SLC35F4: variants seen among roughly 807,000 people sequenced by gnomAD.
SLC35F4 encodes the protein solute carrier family 35 member F4, also known as chromosome 14 open reading frame 36.
Under a neutral mutation model 44.2 loss-of-function variants are expected in SLC35F4, and 24 were observed. That is an observed-to-expected ratio of 0.54 (90% CI 0.39 to 0.76). SLC35F4 has a LOEUF of 0.76. Among genes scored for constraint, SLC35F4 ranks in the 30% least tolerant of loss-of-function variants. SLC35F4 has a pLI of 0.00. For synonymous variants in SLC35F4, 238 were observed against 223.6 expected (o/e 1.06, Z -0.57); for missense variants, 562 against 586.1 (o/e 0.96, Z 0.42).
At chr14:57,664,921 A>G (rs1306452115) in intron 1 of SLC35F4, among the ~76,000 whole-genome samples, 1 of 152,164 alleles carries the variant, frequency 6.6e-6, no homozygotes, top group Non-Finnish European at 1.5e-5. Flanking sequence ...TAACCAAGCA[A>G]TGAGAGTAAA....
rs575368785 is a variant in SLC35F4 at position 57,826,149 on chromosome 14, C to A, written c.103+39574G>T. Among the ~76,000 whole-genome samples, 5 of 152,268 alleles carry A rather than the reference C, an allele frequency of 3.3e-5. No homozygotes were observed. The South Asian group carries it at 8.3e-4, about 25-fold the overall frequency. On this transcript the variant is annotated intron_variant, in intron 1 of 7. Coordinates refer to ENST00000556826, the MANE Select transcript of SLC35F4 (RefSeq NM_001306087.2). ...CTACAGTAACCAAAACAGCATGGTA[C>A]TGGTACAAAAACAGACAAATAGACC...
intron 1 of SLC35F4, among the ~76,000 whole-genome samples, chr14:57,750,970 G>T (rs1178554890): frequency 2.6e-5 from 4 of 152,110 alleles, no homozygotes; most frequent in Non-Finnish European, 4.4e-5. Flanking sequence ...GACATCCCTT[G>T]TCTCACCCGC....
At chr14:57,866,103 C>A, upstream of SLC35F4, 1 of 208,526 alleles carries the variant, frequency 4.8e-6, no homozygotes, top group South Asian at 1.4e-4. Context: ...AGCGCCCCCT[C>A]ACCTCCGACG....
At chr14:57,780,273 A>T (rs2077585012) in intron 1 of SLC35F4, among the ~76,000 whole-genome samples, 1 of 152,176 alleles carries the variant, frequency 6.6e-6, no homozygotes, top group South Asian at 2.1e-4. Flanking sequence ...AATCATTAGC[A>T]TTCCTATACA....
intron 1 of SLC35F4, among the ~76,000 whole-genome samples, chr14:57,802,477 T>G (rs2078214336): frequency 6.8e-6 from 1 of 146,532 alleles, no homozygotes; most frequent in African/African-American, 2.5e-5. Context: ...AGAGCTGAAC[T>G]CAAGGAGATA....
At chr14:57,705,970 A>G (rs1264804634) in intron 1 of SLC35F4, among the ~76,000 whole-genome samples, 1 of 152,156 alleles carries the variant, frequency 6.6e-6, no homozygotes, top group East Asian at 1.9e-4. Context: ...TGCTCCACTC[A>G]ATCCTGTGTT....
chr14:57,715,240 G>A (rs1489689433), intron 1 of SLC35F4, among the ~76,000 whole-genome samples: 1 of 152,110 alleles, frequency 6.6e-6, no homozygotes, highest in African/African-American at 2.4e-5. Context: ...AATGCAAGAG[G>A]AAGAAAGAGG....
rs573949862 is a variant in SLC35F4 at position 57,614,647 on chromosome 14, C to T, written c.104-20523G>A. Reference sequence around the variant, plus strand: ...GGTGTGTGTGCATGTGACCATTCTCCCTCAGGCAACTGTTTTTAATGAAGG... The same window carrying T: ...GGTGTGTGTGCATGTGACCATTCTCTCTCAGGCAACTGTTTTTAATGAAGG... On this transcript the variant is annotated intron_variant, in intron 1 of 7. Transcript: ENST00000556826. Among the ~76,000 whole-genome samples, 3 of 152,264 alleles carry T rather than the reference C, an allele frequency of 2.0e-5. No homozygotes were observed. The South Asian group carries it at 6.2e-4, about 32-fold the overall frequency.
chr14:57,648,072 G>T lies in SLC35F4; in HGVS notation c.104-53948C>A, dbSNP rs545372236. 2.0e-5 allele frequency among the ~76,000 whole-genome samples: 3 copies of T among 152,210 alleles called. No individual in the cohort carries two copies. The East Asian group carries it at 5.8e-4, about 29-fold the overall frequency. On this transcript the variant is annotated intron_variant, in intron 1 of 7. Coordinates refer to ENST00000556826, the MANE Select transcript of SLC35F4 (RefSeq NM_001306087.2). ...TTTTTAGTGTTTTCACTATTGTCTA[G>T]CTCTGATTTTACTGTGACAGTAACT...
chr14:57,863,027 A>T (rs563513745), intron 1 of SLC35F4, among the ~76,000 whole-genome samples: 11 of 126,336 alleles, frequency 8.7e-5, no homozygotes, highest in East Asian at 4.6e-4. Flanking sequence ...CATCTTTTTT[A>T]AAAAAAATGT....
At chr14:57,943,441 G>A (rs1408936239) in intron 1 of SLC35F4, among the ~76,000 whole-genome samples, 1 of 152,204 alleles carries the variant, frequency 6.6e-6, no homozygotes, top group East Asian at 1.9e-4. Flanking sequence ...TCCAAAAAGA[G>A]AGAAACTTTA....
intron 1 of SLC35F4, among the ~76,000 whole-genome samples, chr14:57,701,910 A>G (rs1029352284): frequency 6.6e-6 from 1 of 152,170 alleles, no homozygotes; most frequent in Non-Finnish European, 1.5e-5. Flanking sequence ...CTGTGAAAAT[A>G]GAAATTGTGG....
At chr14:57,656,914 G>A (rs994737474) in intron 1 of SLC35F4, among the ~76,000 whole-genome samples, 2 of 152,052 alleles carry the variant, frequency 1.3e-5, no homozygotes, top group African/African-American at 2.4e-5. Flanking sequence ...TCACCATCAT[G>A]ACTATATCCA....
At chr14:57,900,680 A>T (rs780955347) in intron 1 of SLC35F4, among the ~76,000 whole-genome samples, 3 of 152,234 alleles carry the variant, frequency 2.0e-5, no homozygotes, top group Non-Finnish European at 4.4e-5. Flanking sequence ...ATTGACAAAT[A>T]GGATCTAATT....
chr14:57,808,697 T>G (rs1881626756), intron 1 of SLC35F4, among the ~76,000 whole-genome samples: 1 of 152,134 alleles, frequency 6.6e-6, no homozygotes. Context: ...TGCCAGCTAG[T>G]CAAGAGGCTG....
intron 1 of SLC35F4, among the ~76,000 whole-genome samples, chr14:57,924,727 G>A (rs985964530): frequency 1.3e-5 from 2 of 151,988 alleles, no homozygotes; most frequent in Non-Finnish European, 1.5e-5. Flanking sequence ...GATTACAGGT[G>A]TTAGCCACCA....
intron 1 of SLC35F4, among the ~76,000 whole-genome samples, chr14:57,723,976 G>A (rs544241365): frequency 6.6e-6 from 1 of 152,200 alleles, no homozygotes; most frequent in African/African-American, 2.4e-5. Flanking sequence ...AGAGGTGTGG[G>A]GCCTGTCGAG....
chr14:57,937,448 A>G (rs1889818086), intron 1 of SLC35F4, among the ~76,000 whole-genome samples: 2 of 152,102 alleles, frequency 1.3e-5, no homozygotes. Context: ...AAAGTAAAAT[A>G]CAGACTACAG....
intron 1 of SLC35F4, among the ~76,000 whole-genome samples, chr14:57,816,096 T>A (rs1595131149): frequency 6.6e-6 from 1 of 152,284 alleles, no homozygotes; most frequent in Middle Eastern, 3.4e-3. Context: ...CATTTTATAT[T>A]GTCTCTGAGT....
Sources: allele counts gnomAD v4.1 joint callset (sites outside exome capture counted in the v4.1 genomes callset), GRCh38; gene constraint gnomAD v4.1.1; transcripts MANE v1.5; gene names NCBI Gene and HGNC (gene_info 2026-07-23, HGNC 2026-07-21).